FAM114A2: variants seen among roughly 807,000 people sequenced by gnomAD.
FAM114A2 encodes the protein protein FAM114A2.
Under a neutral mutation model 58.4 loss-of-function variants are expected in FAM114A2, and 53 were observed. That is an observed-to-expected ratio of 0.91 (90% CI 0.73 to 1.14). FAM114A2 has a LOEUF of 1.14. Ranked by LOEUF, FAM114A2 falls within the 50% of genes most tolerant of loss-of-function variation. FAM114A2 has a pLI of 0.00. For missense variants in FAM114A2, 601 were observed against 581.1 expected (o/e 1.03, Z -0.35); for synonymous variants, 228 against 211.4 (o/e 1.08, Z -0.68).
chr5:153,994,964 T>G lies in FAM114A2; in HGVS notation c.1338A>C (p.Glu446Asp). 6.2e-7 allele frequency: 1 copy of G among 1,608,436 alleles called. No individual in the cohort carries two copies. ...TTAATGGGTTAAGGACATCTGCCATTTCTTTGACCTGGAATAACGAATACA... is the reference window on the plus strand; with the variant it reads ...TTAATGGGTTAAGGACATCTGCCATGTCTTTGACCTGGAATAACGAATACA... ...TTCLTTAGVK[E>D]MADVLNPLIT... The change falls in exon 13 of 14, where the codon GAA (glutamate) becomes GAC (aspartate). Residue 446 changes from glutamate to aspartate, a missense_variant. By Grantham distance (45) the Glu-to-Asp change is conservative. Transcript: ENST00000351797.
Position 153,992,778 on chromosome 5 carries a change from A to C in FAM114A2, c.*198T>G. 1 of 395,558 alleles carries C rather than the reference A, an allele frequency of 2.5e-6. No individual in the cohort carries two copies. Among genetic ancestry groups the C allele is most frequent in the Middle Eastern group, 6.6e-4 (1 of 1,508 alleles). The allele number at this position is 395,558 out of a possible 1,614,324, so 24.5% of individuals were successfully genotyped here. On this transcript the variant is annotated 3_prime_UTR_variant, in exon 14 of 14. Transcript: ENST00000351797. ...TCTTTTCAAATAATTTATGAATTAC[A>C]ACAACTGGAAAGAATACTGTGAGAA...
At chr5:154,022,992 T>C (rs1435436950) in intron 8 of FAM114A2, among the ~76,000 whole-genome samples, 1 of 152,158 alleles carries the variant, frequency 6.6e-6, no homozygotes, top group Non-Finnish European at 1.5e-5. Context: ...TGTAGCGACA[T>C]GGATGAAGCT....
intron 8 of FAM114A2, 130 bp from the exon 9 acceptor site, chr5:154,011,450 T>C (rs931234887): frequency 1.6e-6 from 1 of 625,736 alleles, no homozygotes; most frequent in Non-Finnish European, 2.9e-6. Flanking sequence ...GTAGCAGCAG[T>C]AATGTACATG....
chr5:154,015,990 T>C (rs1455186193), intron 8 of FAM114A2, among the ~76,000 whole-genome samples: 2 of 151,834 alleles, frequency 1.3e-5, no homozygotes, highest in Non-Finnish European at 2.9e-5. Flanking sequence ...GTAGAAAGTC[T>C]CAGCAATAGA....
intron 8 of FAM114A2, among the ~76,000 whole-genome samples, chr5:154,013,604 G>A (rs1770838478): frequency 6.6e-6 from 1 of 152,142 alleles, no homozygotes; most frequent in African/African-American, 2.4e-5. Context: ...ACTACTTGGA[G>A]TTCTCTGAAT....
chr5:154,027,250 G>A lies in FAM114A2; in HGVS notation c.715C>T (p.Leu239=). ...VETDKKTHYG[L]LFDEFQGLSH... The stretch of plus-strand genomic sequence containing the variant: ...AGGCCTTGAAATTCATCAAAGAGTA[G>A]CCCATAATGAGTTTTCTTGTCTGTT... Residue 239 remains leucine (L), a synonymous_variant, in exon 7 of 14, where the codon CTA becomes TTA. Transcript: ENST00000351797. 6.2e-7 allele frequency: 1 copy of A among 1,613,246 alleles called. No individual in the cohort carries two copies. Among genetic ancestry groups the A allele is most frequent in the Non-Finnish European group, 8.5e-7 (1 of 1,179,318 alleles).
chr5:154,033,522 T>C (rs2560053), intron 4 of FAM114A2, among the ~76,000 whole-genome samples: 18,974 of 152,276 alleles, frequency 0.12, 1,767 homozygotes, highest in East Asian at 0.42. Flanking sequence ...ATATTGTATA[T>C]TCATGGCCTT....
At chr5:154,028,384 C>A in intron 5 of FAM114A2, 101 bp from the exon 6 acceptor site, 1 of 739,362 alleles carries the variant, frequency 1.4e-6, no homozygotes, top group Non-Finnish European at 2.1e-6. Flanking sequence ...CTAACAATAC[C>A]AAGCACTGGC....
intron 8 of FAM114A2, 39 bp from the exon 9 acceptor site, chr5:154,011,359 C>T: frequency 7.0e-7 from 1 of 1,428,282 alleles, no homozygotes. Context: ...TCCAGAAAGA[C>T]TGCTGAGGAT....
At chr5:154,026,132 T>G (rs1771753941) in intron 8 of FAM114A2, among the ~76,000 whole-genome samples, 2 of 152,124 alleles carry the variant, frequency 1.3e-5, no homozygotes, top group South Asian at 4.1e-4. Flanking sequence ...GGCAAAGATG[T>G]GAGTTGCAAG....
intron 2 of FAM114A2, 93 bp from the exon 3 acceptor site, chr5:154,034,470 G>A (rs185758851): frequency 1.3e-6 from 1 of 757,086 alleles, no homozygotes; most frequent in Non-Finnish European, 2.2e-6. Flanking sequence ...CTAATTATTA[G>A]CCAAAAGCAT....
chr5:154,002,903 CT>C lies in FAM114A2; in HGVS notation c.1059del (p.Gly354GlufsTer18). The C allele has an allele frequency of 3.7e-6, 6 of 1,614,008 alleles. No homozygotes were observed. The highest frequency in any genetic ancestry group is 5.1e-6 in the Non-Finnish European group (6 of 1,179,896). On this transcript the variant is annotated frameshift_variant, in exon 10 of 14. Coordinates refer to ENST00000351797, the MANE Select transcript of FAM114A2 (RefSeq NM_018691.4). LOFTEE classifies it high-confidence loss of function. Reference sequence around the variant, plus strand: ...TTTTCTGCTTCCGACTGTTTTTCTCCTTCTTCATTCTCTGCTAATGGCTTGG... The same window carrying C: ...TTTTCTGCTTCCGACTGTTTTTCTCCTCTTCATTCTCTGCTAATGGCTTGG... Reference protein sequence around the residue: ...SLTKPLAENEEGEKQSEAENT... With the variant: ...SLTKPLAENEXGEKQSEAENT...
chr5:153,993,835 T>C (rs190500244), intron 13 of FAM114A2, among the ~76,000 whole-genome samples: 215 of 152,304 alleles, frequency 1.4e-3, no homozygotes, highest in Non-Finnish European at 2.3e-3. Flanking sequence ...CAAGTGATAT[T>C]ACCTTTTTAA....
At chr5:154,023,107 C>T (rs534948822) in intron 8 of FAM114A2, among the ~76,000 whole-genome samples, 73 of 151,642 alleles carry the variant, frequency 4.8e-4, no homozygotes, top group African/African-American at 1.4e-3. Flanking sequence ...GGACACAGGG[C>T]GGGGAACATC....
chr5:153,997,007 A>G (rs568046498), intron 12 of FAM114A2, among the ~76,000 whole-genome samples: 83 of 151,672 alleles, frequency 5.5e-4, no homozygotes, highest in African/African-American at 1.8e-3. Flanking sequence ...AAAAAAAAAA[A>G]AAAGAAAGAA....
At chr5:154,017,979 A>G (rs958783400) in intron 8 of FAM114A2, among the ~76,000 whole-genome samples, 2 of 152,178 alleles carry the variant, frequency 1.3e-5, no homozygotes, top group Non-Finnish European at 2.9e-5. Context: ...GAGCACTAAC[A>G]GACAATCTAA....
intron 13 of FAM114A2, chr5:153,994,636 G>A (rs1354496287): frequency 3.9e-6 from 1 of 255,908 alleles, no homozygotes; most frequent in East Asian, 6.7e-5. Context: ...CTGGTATTCA[G>A]AAGGTGTTTC....
chr5:154,029,684 A>C (rs1772049301), intron 4 of FAM114A2, 104 bp from the exon 5 acceptor site: 3 of 595,040 alleles, frequency 5.0e-6, no homozygotes, highest in Non-Finnish European at 3.0e-6. Context: ...TGCTTACTAC[A>C]TACTAGGCCT....
At chr5:153,996,484 C>T (rs113951303) in intron 12 of FAM114A2, among the ~76,000 whole-genome samples, 140 of 150,784 alleles carry the variant, frequency 9.3e-4, no homozygotes, top group African/African-American at 3.2e-3. Context: ...GCAAAGGACA[C>T]GATCAAAAAG....
Sources: gnomAD v4.1 joint callset for allele counts (sites outside exome capture counted in the v4.1 genomes callset) on GRCh38, gnomAD v4.1.1 for gene constraint, MANE v1.5 for transcripts, NCBI Gene and HGNC (gene_info 2026-07-23, HGNC 2026-07-21) for gene names.